The following RPSA variants were observed in gnomAD, a reference collection of about 807,000 sequenced individuals.
RPSA encodes the protein small ribosomal subunit protein uS2.
For synonymous variants in RPSA, 103 were observed against 126.7 expected (o/e 0.81, Z 1.25); for missense variants, 140 against 372.8 (o/e 0.38, Z 5.14).
chr3:39,410,659 A>G, intron 3 of RPSA, 95 bp from the exon 4 acceptor site: 1 of 1,355,084 alleles, frequency 7.4e-7, no homozygotes, highest in Non-Finnish European at 1.1e-6. Flanking sequence ...ATGGAGTAGT[A>G]GTGATTAAGT....
chr3:39,411,546 G>A, intron 4 of RPSA, 103 bp from the exon 5 acceptor site: 1 of 1,228,662 alleles, frequency 8.1e-7, no homozygotes, highest in Non-Finnish European at 1.2e-6. Context: ...TCAACTAAGA[G>A]ATGTCTGTAC....
intron 6 of RPSA, 86 bp from the exon 7 acceptor site, chr3:39,412,188 C>G: frequency 2.3e-6 from 3 of 1,294,600 alleles, no homozygotes; most frequent in Non-Finnish European, 3.4e-6. Flanking sequence ...GCTACAGCAT[C>G]TGATAGACTG....
intron 2 of RPSA, 123 bp downstream of exon 2, chr3:39,407,909 T>C (rs1049818472): frequency 7.3e-6 from 5 of 685,476 alleles, no homozygotes; most frequent in Non-Finnish European, 1.2e-5. Flanking sequence ...GACCCCTACG[T>C]TGAAAACATA....
At position 39,406,730 on chromosome 3, in the gene RPSA, C is replaced by G. The variant is rs2041921495; in HGVS notation, c.-68C>G. The G allele has an allele frequency of 5.6e-6, 2 of 356,518 alleles. No individual in the cohort carries two copies. Among genetic ancestry groups the G allele is most frequent in the South Asian group, 2.0e-5 (1 of 50,024 alleles). 22.1% of individuals were successfully genotyped at this position (356,518 alleles called of 1,614,324 possible). A position where few individuals can be genotyped will look rare whatever the true frequency, so the allele number is the denominator to read the frequency against. On this transcript the variant is annotated 5_prime_UTR_variant, in exon 1 of 7. Coordinates refer to ENST00000301821, the MANE Select transcript of RPSA (RefSeq NM_002295.6). ...TTTCCTGCCGCCTGTCTTTTCCGTGCTACCTGCAGAGGGGTCCATACGGCG... is the reference window on the plus strand; with the variant it reads ...TTTCCTGCCGCCTGTCTTTTCCGTGGTACCTGCAGAGGGGTCCATACGGCG...
chr3:39,410,940 C>T lies in RPSA; in HGVS notation c.439C>T (p.Leu147=), dbSNP rs1247506186. The change falls in exon 4 of 7, where the codon CTG becomes TTG. Residue 147 remains leucine, a synonymous_variant. Coordinates refer to ENST00000301821, the MANE Select transcript of RPSA (RefSeq NM_002295.6). Reference sequence around the variant, plus strand: ...TTATGTTAACCTACCTACCATTGCGCTGTGTAACACAGATTCTCCTCTGCG... The same window carrying T: ...TTATGTTAACCTACCTACCATTGCGTTGTGTAACACAGATTCTCCTCTGCG... The part of the protein sequence containing the change: ...ASYVNLPTIA[L]CNTDSPLRYV... The T allele has an allele frequency of 6.3e-7, 1 of 1,596,048 alleles. No homozygotes were observed. The highest frequency in any genetic ancestry group is 8.5e-7 in the Non-Finnish European group (1 of 1,176,664).
At chr3:39,409,017 G>A (rs2041963195) in intron 3 of RPSA, 16 of 326,978 alleles carry the variant, frequency 4.9e-5, no homozygotes, top group South Asian at 4.7e-4. Flanking sequence ...CCCGGTGGGC[G>A]GAGCTTGCAG....
intron 1 of RPSA, 130 bp downstream of exon 1, chr3:39,406,894 C>CA: frequency 4.4e-6 from 2 of 456,086 alleles, no homozygotes; most frequent in South Asian, 3.1e-5. Context: ...CGGCGCGCCC[C>CA]ACCTTAGGCC....
chr3:39,411,633 C>T lies in RPSA; in HGVS notation c.499-16C>T, dbSNP rs375711538. 2 of 1,609,674 alleles carry T rather than the reference C, an allele frequency of 1.2e-6. No homozygotes were observed. The highest frequency in any genetic ancestry group is 8.5e-7 in the Non-Finnish European group (1 of 1,179,764). On this transcript the variant is annotated splice_polypyrimidine_tract_variant and intron_variant, in intron 4 of 6. Coordinates refer to ENST00000301821, the MANE Select transcript of RPSA (RefSeq NM_002295.6). ...TGACCAAGTGTCACTTTTTAATAAT[C>T]TGCCACTCTTGGCAGGGAGCTCACT...
intron 2 of RPSA, chr3:39,408,240 G>A: frequency 2.4e-6 from 1 of 422,750 alleles, no homozygotes; most frequent in Non-Finnish European, 4.5e-6. Flanking sequence ...GTGACATGCT[G>A]TAAAGGAGTT....
chr3:39,409,276 A>G (rs1348174297), intron 3 of RPSA, among the ~76,000 whole-genome samples: 1 of 133,300 alleles, frequency 7.5e-6, no homozygotes, highest in African/African-American at 2.8e-5. Context: ...ATATCGGCTC[A>G]TTGCAGCCTT....
rs925578029 is a variant in RPSA at position 39,406,755 on chromosome 3, G to T, written c.-43G>T. The T allele has an allele frequency of 1.2e-5, 5 of 422,756 alleles. No individual in the cohort carries two copies. Among genetic ancestry groups the T allele is most frequent in the Admixed American group, 8.0e-5 (3 of 37,276 alleles). 26.2% of individuals were successfully genotyped at this position (422,756 alleles called of 1,614,324 possible). The stretch of plus-strand genomic sequence containing the variant: ...CTACCTGCAGAGGGGTCCATACGGC[G>T]TTGTTCTGGGTGAGTTCCGTGTAGC... On this transcript the variant is annotated 5_prime_UTR_variant, in exon 1 of 7. Transcript: ENST00000301821.
In RPSA at chr3:39,411,933, T is replaced by G; in HGVS notation, c.665T>G (p.Val222Gly). 1 of 1,599,862 alleles carries G rather than the reference T, an allele frequency of 6.3e-7. No homozygotes were observed. Among genetic ancestry groups the G allele is most frequent in the Non-Finnish European group, 8.5e-7 (1 of 1,179,926 alleles). The change falls in exon 6 of 7, where the codon GTG becomes GGG. Residue 222 changes from valine (V) to glycine (G), a missense_variant. Physicochemically the swap from Val to Gly is moderately radical, Grantham distance 109. Transcript: ENST00000301821. The part of the protein sequence containing the change: ...KEEQAAAEKA[V>G]TKEEFQGEWT... ...GAGCAGGCTGCTGCTGAGAAGGCAG[T>G]GACCAAGGAGGAATTTCAGGGTGAA... is the stretch of plus-strand genomic sequence containing the variant.
At chr3:39,408,816 C>T (rs796498039) in intron 3 of RPSA, 92 bp downstream of exon 3, 1 of 854,564 alleles carries the variant, frequency 1.2e-6, no homozygotes, top group African/African-American at 1.7e-5. Flanking sequence ...AGAAATAACT[C>T]AGGCCGGGCG....
At chr3:39,407,813 A>G in intron 2 of RPSA, 27 bp downstream of exon 2, 1 of 1,587,552 alleles carries the variant, frequency 6.3e-7, no homozygotes, top group South Asian at 1.1e-5. Context: ...ATTTTTTGTT[A>G]CTCCAGCTGT....
chr3:39,407,764 C>T lies in RPSA; in HGVS notation c.111C>T (p.Tyr37=), dbSNP rs760283784. The T allele has an allele frequency of 3.1e-6, 5 of 1,597,972 alleles. No homozygotes were observed. Among genetic ancestry groups the T allele is most frequent in the South Asian group, 1.1e-5 (1 of 91,070 alleles). ...ATCTTGACTTCCAGATGGAACAGTA[C>T]ATCTATAAAAGGAAAAGTGATGGTT... is the stretch of plus-strand genomic sequence containing the variant. The part of the protein sequence containing the change: ...GTNLDFQMEQ[Y]IYKRKSDGIY... Residue 37 remains tyrosine, a synonymous_variant, in exon 2 of 7, where the codon TAC becomes TAT. Transcript: ENST00000301821.
intron 2 of RPSA, 117 bp from the exon 3 acceptor site, chr3:39,408,489 A>G: frequency 1.3e-6 from 1 of 787,746 alleles, no homozygotes; most frequent in Non-Finnish European, 2.4e-6. Context: ...CGCTAACACC[A>G]GTAGAGCTTG....
At chr3:39,408,806 A>G in intron 3 of RPSA, 82 bp downstream of exon 3, 5 of 906,248 alleles carry the variant, frequency 5.5e-6, no homozygotes, top group Non-Finnish European at 9.3e-6. Flanking sequence ...ATAAGAAAAC[A>G]GAAATAACTC....
At chr3:39,406,814 C>T (rs2041923366) in intron 1 of RPSA, 50 bp downstream of exon 1, 1 of 454,430 alleles carries the variant, frequency 2.2e-6, no homozygotes, top group Non-Finnish European at 4.4e-6. Flanking sequence ...GAAAAATGAG[C>T]TTTTCCTGCT....
rs557109232 is a variant in RPSA, at chr3:39,406,746, C to A, written c.-52C>A. On this transcript the variant is annotated 5_prime_UTR_variant, in exon 1 of 7. Coordinates refer to ENST00000301821, the MANE Select transcript of RPSA (RefSeq NM_002295.6). ...TTTTCCGTGCTACCTGCAGAGGGGT[C>A]CATACGGCGTTGTTCTGGGTGAGTT... 9.8e-6 allele frequency: 4 copies of A among 408,340 alleles called. No individual in the cohort carries two copies. Among genetic ancestry groups the A allele is most frequent in the South Asian group, 3.5e-5 (2 of 56,964 alleles). The allele number at this position is 408,340 out of a possible 1,614,324, so 25.3% of individuals were successfully genotyped here.
Sources: gnomAD v4.1 joint callset for allele counts (sites outside exome capture counted in the v4.1 genomes callset) on GRCh38, gnomAD v4.1.1 for gene constraint, MANE v1.5 for transcripts, NCBI Gene and HGNC (gene_info 2026-07-23, HGNC 2026-07-21) for gene names.